Variants in ACADSB observed in about 807,000 individuals in gnomAD.
The protein encoded by ACADSB is short/branched chain specific acyl-CoA dehydrogenase, mitochondrial.
Under a neutral mutation model 54.1 loss-of-function variants are expected in ACADSB, and 40 were observed. The observed-to-expected ratio is 0.74, with a 90% CI of 0.57 to 0.96. ACADSB has a LOEUF of 0.96. ACADSB is among the 40% of genes least tolerant of loss of function. The pLI, the probability that ACADSB is intolerant of heterozygous loss-of-function variation, is 0.00. For missense variants in ACADSB, 530 were observed against 510.4 expected (o/e 1.04, Z -0.37); for synonymous variants, 182 against 182.8 (o/e 1.00, Z 0.03).
intron 6 of ACADSB, 111 bp downstream of exon 6, chr10:123,043,282 C>T: frequency 7.5e-7 from 1 of 1,341,354 alleles, no homozygotes; most frequent in African/African-American, 1.4e-5. Flanking sequence ...TAAGCACACG[C>T]AGGAGAGTAT....
rs1471938175 is a variant in ACADSB, at chr10:123,034,379, T to C, written c.66T>C (p.Cys22=). ...SRLLRRNFLT[C]LSSWKIPPHV... ...AGCTAAGAAGAAATTTCCTGACTTG[T>C]TTGTCTTCTTGGAAGATTCCTCCTC... Residue 22 remains cysteine, a synonymous_variant, in exon 2 of 11, where the codon TGT becomes TGC. Coordinates refer to ENST00000358776, the MANE Select transcript of ACADSB (RefSeq NM_001609.4). 6.2e-7 allele frequency: 1 copy of C among 1,613,846 alleles called. No individual in the cohort carries two copies.
chr10:123,045,149 ATATATATATATATATATATATATT>A (rs1469986850), intron 7 of ACADSB, among the ~76,000 whole-genome samples: 26 of 10,014 alleles, frequency 2.6e-3, no homozygotes, highest in East Asian at 0.02. Context: ...ATATATATAT[ATATATATATATATATATATATATT>A]TTTTTTTTTT....
rs1564753057 is a variant in ACADSB, at chr10:123,045,169, A to AT, written c.900+685dup. Among the ~76,000 whole-genome samples, 54 of 10,836 alleles carry AT rather than the reference A, an allele frequency of 5.0e-3. 2 individuals are homozygous for AT. The highest frequency in any genetic ancestry group is 6.5e-3 in the Non-Finnish European group (44 of 6,758). 7.1% of individuals were successfully genotyped at this position (10,836 alleles called of 152,430 possible). A position where few individuals can be genotyped will look rare whatever the true frequency, so the allele number is the denominator to read the frequency against. On this transcript the variant is annotated intron_variant, in intron 7 of 10. Transcript: ENST00000358776. ...TATATATATATATATATATATATAT[A>AT]TATTTTTTTTTTTTTTTTTTTTTTT...
In ACADSB at chr10:123,055,163, A is replaced by C. The variant is rs1337410204; in HGVS notation, c.*1398A>C. 1 of 161,060 alleles carries C rather than the reference A, an allele frequency of 6.2e-6. No individual in the cohort carries two copies. Among genetic ancestry groups the C allele is most frequent in the East Asian group, 1.8e-4 (1 of 5,568 alleles). 10.0% of individuals were successfully genotyped at this position (161,060 alleles called of 1,614,324 possible). ...TTAGTCTGTTTTCACGCTGCTGATAAAGACATACCTGAGACCAGGAAGAAA... is the reference window on the plus strand; with the variant it reads ...TTAGTCTGTTTTCACGCTGCTGATACAGACATACCTGAGACCAGGAAGAAA... On this transcript the variant is annotated 3_prime_UTR_variant, in exon 11 of 11. Coordinates refer to ENST00000358776, the MANE Select transcript of ACADSB (RefSeq NM_001609.4).
chr10:123,053,098 T>C lies in ACADSB; in HGVS notation c.1166T>C (p.Met389Thr). The C allele has an allele frequency of 6.2e-7, 1 of 1,614,066 alleles. No homozygotes were observed. The highest frequency in any genetic ancestry group is 8.5e-7 in the Non-Finnish European group (1 of 1,179,968). ...ACAACGAGTAAATGTATCGAGTGGA[T>C]GGGGGGAGTAGGCTACACCAAAGAT... is the stretch of plus-strand genomic sequence containing the variant. Reference protein sequence around the residue: ...GQTTSKCIEWMGGVGYTKDYP... With the variant: ...GQTTSKCIEWTGGVGYTKDYP... The change falls in exon 10 of 11, where the codon ATG (methionine) becomes ACG (threonine). Residue 389 changes from methionine to threonine, a missense_variant. By Grantham distance (81) the Met-to-Thr change is moderately conservative. Coordinates refer to ENST00000358776, the MANE Select transcript of ACADSB (RefSeq NM_001609.4).
Position 123,052,382 on chromosome 10 carries a change from G to T in ACADSB, c.1129-679G>T, listed in dbSNP as rs993425008. 1.3e-5 allele frequency among the ~76,000 whole-genome samples: 2 copies of T among 152,132 alleles called. No homozygotes were observed. Among genetic ancestry groups the T allele is most frequent in the African/African-American group, 4.8e-5 (2 of 41,436 alleles). On this transcript the variant is annotated intron_variant, in intron 9 of 10. Transcript: ENST00000358776. This position sits in a 1 kb window ranked among gnomAD's most constrained non-coding sequence, Gnocchi z 4.2. ...CAAAGCCAACAATGTGGCATGTTCA[G>T]ATCTCTCTCTGACTCTGCTTCCTGT...
intron 6 of ACADSB, 38 bp downstream of exon 6, chr10:123,043,209 A>C: frequency 6.2e-7 from 1 of 1,611,246 alleles, no homozygotes; most frequent in Non-Finnish European, 8.5e-7. Context: ...GACTGATGCG[A>C]AATAAGCCTT....
rs1482453790 is a variant in ACADSB, at chr10:123,034,457, A to C, written c.144A>C (p.Gly48=). 2 of 1,613,046 alleles carry C rather than the reference A, an allele frequency of 1.2e-6. No individual in the cohort carries two copies. Among genetic ancestry groups the C allele is most frequent in the East Asian group, 2.2e-5 (1 of 44,864 alleles). The change falls in exon 2 of 11, where the codon GGA becomes GGC. Residue 48 remains glycine, a synonymous_variant. Coordinates refer to ENST00000358776, the MANE Select transcript of ACADSB (RefSeq NM_001609.4). Reference sequence around the variant, plus strand: ...CTCTACTCAATATAACAAATAATGGAATACACTTTGCTCCCCTGCAAACAT... The same window carrying C: ...CTCTACTCAATATAACAAATAATGGCATACACTTTGCTCCCCTGCAAACAT... ...SEALLNITNN[G]IHFAPLQTFT...
At chr10:123,026,235 AC>A (rs1850249813) in intron 1 of ACADSB, among the ~76,000 whole-genome samples, 1 of 152,226 alleles carries the variant, frequency 6.6e-6, no homozygotes, top group African/African-American at 2.4e-5. Context: ...TAAACTGAAA[AC>A]ATCCAATCAG....
At chr10:123,042,900 T>A in intron 5 of ACADSB, 146 bp from the exon 6 acceptor site, 2 of 817,730 alleles carry the variant, frequency 2.4e-6, no homozygotes, top group Admixed American at 2.3e-5. Flanking sequence ...CTAGCTGCTC[T>A]CGTTTCATAA....
intron 1 of ACADSB, among the ~76,000 whole-genome samples, chr10:123,028,857 C>T (rs1325916187): frequency 4.6e-5 from 7 of 151,528 alleles, no homozygotes; most frequent in Admixed American, 4.6e-4. Flanking sequence ...ATAGCAAGAC[C>T]CCATCTCTAT....
rs1850469731 is a variant in ACADSB at position 123,041,315 on chromosome 10, T to C, written c.617T>C (p.Met206Thr). ...GDYYVLNGSK[M>T]WISSAEHAGL... ...TATTATGTCCTCAATGGATCAAAGA[T>C]GTGGATCAGCAGTGCTGAGCACGCA... Residue 206 changes from methionine (M) to threonine (T), a missense_variant, in exon 5 of 11, where the codon ATG becomes ACG. Coordinates refer to ENST00000358776, the MANE Select transcript of ACADSB (RefSeq NM_001609.4). The C allele has an allele frequency of 6.2e-7, 1 of 1,614,100 alleles. No individual in the cohort carries two copies. The highest frequency in any genetic ancestry group is 1.3e-5 in the African/African-American group (1 of 74,958).
chr10:123,054,958 G>C lies in ACADSB; in HGVS notation c.*1193G>C, dbSNP rs1043255480. On this transcript the variant is annotated 3_prime_UTR_variant, in exon 11 of 11. Coordinates refer to ENST00000358776, the MANE Select transcript of ACADSB (RefSeq NM_001609.4). The stretch of plus-strand genomic sequence containing the variant: ...GTGATTCTCAAGAAAAAGATCTCTT[G>C]CCCATTAAGAAGTGTATCAAAATCT... The C allele has an allele frequency of 2.0e-5, 3 of 152,146 alleles. No individual in the cohort carries two copies. Among genetic ancestry groups the C allele is most frequent in the Non-Finnish European group, 4.4e-5 (3 of 68,034 alleles). 9.4% of individuals were successfully genotyped at this position (152,146 alleles called of 1,614,324 possible).
intron 2 of ACADSB, among the ~76,000 whole-genome samples, chr10:123,035,170 A>T (rs1446759809): frequency 6.6e-6 from 1 of 151,938 alleles, no homozygotes; most frequent in Non-Finnish European, 1.5e-5. Context: ...GTTAGTCAGG[A>T]TGGTCTCGAT....
chr10:123,041,566 A>G (rs144313309), intron 5 of ACADSB, among the ~76,000 whole-genome samples, 187 bp downstream of exon 5: 574 of 152,334 alleles, frequency 3.8e-3, no homozygotes, highest in Middle Eastern at 0.01. Flanking sequence ...TATTGTTGAC[A>G]AAATTATTAA....
At chr10:123,044,958 A>G (rs528344136) in intron 7 of ACADSB, among the ~76,000 whole-genome samples, 3 of 151,762 alleles carry the variant, frequency 2.0e-5, no homozygotes, top group Admixed American at 2.0e-4. Context: ...ACATGAAATA[A>G]AATAGCCACA....
rs150446616 is a variant in ACADSB at position 123,017,766 on chromosome 10, C to T, written c.42+8695C>T. ...AGGACACCTTTTCCTCTCTATAGGC[C>T]TAAAATAATTTTTTAATAACTCCCA... On this transcript the variant is annotated intron_variant, in intron 1 of 10. Transcript: ENST00000358776. 7.6e-3 allele frequency among the ~76,000 whole-genome samples: 1,158 copies of T among 152,294 alleles called. 10 individuals are homozygous for T. Among genetic ancestry groups the T allele is most frequent in the African/African-American group, 0.026 (1,069 of 41,548 alleles).
intron 1 of ACADSB, among the ~76,000 whole-genome samples, chr10:123,031,029 G>A (rs758746106): frequency 1.8e-4 from 28 of 152,166 alleles, no homozygotes; most frequent in Non-Finnish European, 3.8e-4. Flanking sequence ...ATAAGATATA[G>A]CAGTAGTTCT....
chr10:123,016,828 C>A (rs1850115178), intron 1 of ACADSB, among the ~76,000 whole-genome samples: 3 of 152,122 alleles, frequency 2.0e-5, no homozygotes, highest in Admixed American at 6.5e-5. Flanking sequence ...TATTTAAAAG[C>A]AAACATACAG....
Sources: gnomAD v4.1 joint callset for allele counts (sites outside exome capture counted in the v4.1 genomes callset) on GRCh38, gnomAD v4.1.1 for gene constraint, Gnocchi (gnomAD v3.1) non-coding constraint, MANE v1.5 for transcripts, NCBI Gene and HGNC (gene_info 2026-07-23, HGNC 2026-07-21) for gene names.